SELENBP1: variants seen among roughly 807,000 people sequenced by gnomAD.
SELENBP1 encodes the protein selenium binding protein 1.
Under a neutral mutation model 61.0 loss-of-function variants are expected in SELENBP1, and 71 were observed. That is an observed-to-expected ratio of 1.16 (90% CI 0.96 to 1.42). The LOEUF (loss-of-function observed/expected upper bound fraction) is 1.42, where lower values mean the gene tolerates loss of function less well. Ranked by LOEUF, SELENBP1 falls within the 40% of genes most tolerant of loss-of-function variation. The pLI, the probability that SELENBP1 is intolerant of heterozygous loss-of-function variation, is 0.00. For synonymous variants in SELENBP1, 270 were observed against 238.9 expected, an observed-to-expected ratio of 1.13 and a Z score of -1.20; for missense variants, 561 against 605.0, an observed-to-expected ratio of 0.93 and a Z score of 0.76.
intron 7 of SELENBP1, 24 bp downstream of exon 7, chr1:151,366,251 G>C: frequency 6.2e-7 from 1 of 1,603,108 alleles, no homozygotes; most frequent in East Asian, 2.2e-5. Flanking sequence ...TACTGGGAGG[G>C]GAGGGCCAGA....
At chr1:151,369,900 C>T (rs908291477) in intron 1 of SELENBP1, 131 bp from the exon 2 acceptor site, 47 of 1,547,182 alleles carry the variant, frequency 3.0e-5, no homozygotes, top group Middle Eastern at 1.7e-4. Context: ...CCAGCCTCAT[C>T]GCTCTGGCCT....
rs573345696 is a variant in SELENBP1, at chr1:151,366,278, G to A, written c.840C>T (p.Asn280=). ...AGGGCCAGAGGGCGTATGTCACCTCGTTCTTGTAGAAGCGCTGGATGGTGG... is the reference window on the plus strand; with the variant it reads ...AGGGCCAGAGGGCGTATGTCACCTCATTCTTGTAGAAGCGCTGGATGGTGG... ...LSSTIQRFYK[N]EGGTWSVEKV... Residue 280 remains asparagine, a synonymous_variant, in exon 7 of 12, where the codon AAC becomes AAT. Coordinates refer to ENST00000368868, the MANE Select transcript of SELENBP1 (RefSeq NM_003944.4). 66 of 1,612,986 alleles carry A rather than the reference G, an allele frequency of 4.1e-5. No individual in the cohort carries two copies. In the Admixed American group the frequency reaches 7.2e-4, roughly 18 times the overall value.
In SELENBP1 at chr1:151,369,770, C is replaced by T. The variant is rs769991488; in HGVS notation, c.5-1G>A. On this transcript the variant is annotated splice_acceptor_variant, in intron 1 of 11. Transcript: ENST00000368868. LOFTEE classifies it high-confidence loss of function. ...GGTCCACAATTCCCACATTTCGTAG[C>T]TGTGGAAGCAATGGGGCGCATTGGC... 6.4e-5 allele frequency: 99 copies of T among 1,552,216 alleles called. No homozygotes were observed. In the Admixed American group the frequency reaches 1.9e-3, roughly 30 times the overall value.
intron 1 of SELENBP1, among the ~76,000 whole-genome samples, chr1:151,371,310 A>C (rs773866211): frequency 6.6e-6 from 1 of 152,088 alleles, no homozygotes; most frequent in African/African-American, 2.4e-5. Flanking sequence ...TGGGAGGCTG[A>C]GGCAGGAGAA....
intron 1 of SELENBP1, 123 bp from the exon 2 acceptor site, chr1:151,369,892 A>T: frequency 6.5e-7 from 1 of 1,549,704 alleles, no homozygotes; most frequent in East Asian, 2.4e-5. Flanking sequence ...TCCCCACTCC[A>T]GCCTCATCGC....
intron 5 of SELENBP1, among the ~76,000 whole-genome samples, chr1:151,367,896 A>G (rs547380564): frequency 3.6e-4 from 55 of 152,276 alleles, no homozygotes; most frequent in Admixed American, 2.9e-3. Flanking sequence ...GGAACTCCTG[A>G]GCTCAAGCGA....
intron 7 of SELENBP1, 49 bp downstream of exon 7, chr1:151,366,226 A>G (rs552180362): frequency 6.3e-7 from 1 of 1,584,126 alleles, no homozygotes; most frequent in Admixed American, 1.7e-5. Context: ...GCTTAGGTAG[A>G]GCTGCTGACA....
chr1:151,367,067 G>T, intron 5 of SELENBP1, 163 bp from the exon 6 acceptor site: 3 of 1,426,576 alleles, frequency 2.1e-6, no homozygotes, highest in Non-Finnish European at 2.7e-6. Flanking sequence ...AGGGCTGGGG[G>T]AAGAGTGGCT....
chr1:151,369,104 C>A lies in SELENBP1; in HGVS notation c.260G>T (p.Ser87Ile). 6.2e-7 allele frequency: 1 copy of A among 1,614,068 alleles called. No homozygotes were observed. Among genetic ancestry groups the A allele is most frequent in the Non-Finnish European group, 8.5e-7 (1 of 1,180,008 alleles). The change falls in exon 4 of 12, where the codon AGC (serine) becomes ATC (isoleucine). Residue 87 changes from serine to isoleucine, a missense_variant. Coordinates refer to ENST00000368868, the MANE Select transcript of SELENBP1 (RefSeq NM_003944.4). The part of the protein sequence containing the change: ...WNTCSSCFGD[S>I]TKSRTKLVLP... ...CACCAGCTTGGTGCGCGACTTGGTG[C>A]TATCACCGAAGCAGCTGCTGCAGGT...
In SELENBP1 at chr1:151,369,731, G is replaced by T. The variant is rs1401575028; in HGVS notation, c.43C>A (p.Pro15Thr). ...CAATTACCTTTCATGGCCTCCAGAG[G>T]GGTGGAGTAGCCGGGTCCACAATTC... is the stretch of plus-strand genomic sequence containing the variant. Reference protein sequence around the residue: ...CGNCGPGYSTPLEAMKGPREE... With the variant: ...CGNCGPGYSTTLEAMKGPREE... The change falls in exon 2 of 12, where the codon CCT (proline) becomes ACT (threonine). Residue 15 changes from proline to threonine, a missense_variant. Pro to Thr is a conservative substitution (Grantham distance 38). Transcript: ENST00000368868. The T allele has an allele frequency of 1.9e-6, 3 of 1,552,596 alleles. No individual in the cohort carries two copies. The highest frequency in any genetic ancestry group is 2.6e-6 in the Non-Finnish European group (3 of 1,147,556).
rs1211427021 is a variant in SELENBP1, at chr1:151,369,781, AT to A, written c.5-13del. Reference sequence around the variant, plus strand: ...CCCACATTTCGTAGCTGTGGAAGCAATGGGGCGCATTGGCTGGGCCACGCTC... The same window carrying A: ...CCCACATTTCGTAGCTGTGGAAGCAAGGGGCGCATTGGCTGGGCCACGCTC... On this transcript the variant is annotated splice_polypyrimidine_tract_variant and intron_variant, in intron 1 of 11. Coordinates refer to ENST00000368868, the MANE Select transcript of SELENBP1 (RefSeq NM_003944.4). The A allele has an allele frequency of 3.2e-6, 5 of 1,551,784 alleles. No individual in the cohort carries two copies. Among genetic ancestry groups the A allele is most frequent in the Non-Finnish European group, 4.4e-6 (5 of 1,147,126 alleles).
intron 1 of SELENBP1, among the ~76,000 whole-genome samples, chr1:151,370,723 G>A (rs926505544): frequency 1.3e-5 from 2 of 152,218 alleles, no homozygotes; most frequent in South Asian, 2.1e-4. Context: ...ATACCCAGAG[G>A]GGGTGGCAGG....
intron 5 of SELENBP1, 156 bp from the exon 6 acceptor site, chr1:151,367,060 G>A: frequency 7.0e-7 from 1 of 1,435,660 alleles, no homozygotes; most frequent in Non-Finnish European, 9.1e-7. Flanking sequence ...GGCATCCAGG[G>A]CTGGGGGAAG....
chr1:151,372,350 C>A (rs1181197770), intron 1 of SELENBP1, among the ~76,000 whole-genome samples: 1 of 152,208 alleles, frequency 6.6e-6, no homozygotes, highest in East Asian at 1.9e-4. Context: ...ATTTTCCCAG[C>A]TGCAGAAAGG....
At chr1:151,366,658 T>C in intron 6 of SELENBP1, 64 bp downstream of exon 6, 2 of 1,570,328 alleles carry the variant, frequency 1.3e-6, no homozygotes, top group South Asian at 2.3e-5. Flanking sequence ...GGGTGGGAGA[T>C]TTGGAGCAGA....
At chr1:151,367,736 A>C (rs1651929067) in intron 5 of SELENBP1, among the ~76,000 whole-genome samples, 1 of 152,054 alleles carries the variant, frequency 6.6e-6, no homozygotes, top group Admixed American at 6.6e-5. Context: ...TGATCCTCCT[A>C]CCTCAGCCTC....
chr1:151,370,680 G>C (rs1652095022), intron 1 of SELENBP1, among the ~76,000 whole-genome samples: 1 of 152,248 alleles, frequency 6.6e-6, no homozygotes, highest in Non-Finnish European at 1.5e-5. Context: ...CAGCATCAGA[G>C]TTTGGGGCCT....
intron 1 of SELENBP1, among the ~76,000 whole-genome samples, chr1:151,370,632 T>A (rs936815975): frequency 2.0e-5 from 3 of 152,238 alleles, no homozygotes; most frequent in African/African-American, 7.2e-5. Flanking sequence ...AGTCAGCAGA[T>A]GTGCAGTAGG....
rs112048640 is a variant in SELENBP1 at position 151,371,424 on chromosome 1, A to AT, written c.4+1213_4+1214insA. On this transcript the variant is annotated intron_variant, in intron 1 of 11. Coordinates refer to ENST00000368868, the MANE Select transcript of SELENBP1 (RefSeq NM_003944.4). The stretch of plus-strand genomic sequence containing the variant: ...TGAAATTCTGACTAAAAAAAAAAAA[A>AT]AATAATGAATTACTGTGTAAATATG... 4.7e-3 allele frequency among the ~76,000 whole-genome samples: 720 copies of AT among 151,988 alleles called. 4 individuals carry two copies. Among genetic ancestry groups the AT allele is most frequent in the African/African-American group, 0.017 (684 of 41,412 alleles).
Sources: allele counts gnomAD v4.1 joint callset (sites outside exome capture counted in the v4.1 genomes callset), GRCh38; gene constraint gnomAD v4.1.1; transcripts MANE v1.5; gene names NCBI Gene and HGNC (gene_info 2026-07-23, HGNC 2026-07-21).